Variants in TRIM48 observed in about 807,000 individuals in gnomAD.
TRIM48 encodes the protein tripartite motif containing 48.
In TRIM48, 31 loss-of-function variants were observed where a neutral mutation model predicts 29.5. That is an observed-to-expected ratio of 1.05 (90% CI 0.79 to 1.42). The LOEUF is 1.42. TRIM48 is among the 40% of genes most tolerant of loss of function. TRIM48 has a pLI of 0.00. For synonymous variants in TRIM48, 128 were observed against 90.6 expected, an observed-to-expected ratio of 1.41 and a Z score of -2.34; for missense variants, 344 against 265.0, an observed-to-expected ratio of 1.30 and a Z score of -2.07.
At chr11:55,270,056 T>C (rs1275588567) in intron 5 of TRIM48, among the ~76,000 whole-genome samples, 1 of 148,050 alleles carries the variant, frequency 6.8e-6, no homozygotes, top group South Asian at 2.4e-4. Context: ...AATCTTCACA[T>C]GCTTTCCAAA....
chr11:55,264,356 T>A (rs764592133), intron 1 of TRIM48, among the ~76,000 whole-genome samples: 1 of 147,928 alleles, frequency 6.8e-6, no homozygotes, highest in African/African-American at 2.5e-5. Context: ...TTTACTTTAA[T>A]TTTATATTAT....
In TRIM48 at chr11:55,265,104, C is replaced by A; in HGVS notation, c.249C>A (p.Asn83Lys). 1 of 1,582,920 alleles carries A rather than the reference C, an allele frequency of 6.3e-7. No individual in the cohort carries two copies. The highest frequency in any genetic ancestry group is 1.4e-5 in the African/African-American group (1 of 73,736). The change falls in exon 2 of 6, where the codon AAC becomes AAA. Residue 83 changes from asparagine (N) to lysine (K), a missense_variant. Transcript: ENST00000417545. Reference protein sequence around the residue: ...KTIQQRNLKTNIRLKKMASLA... With the variant: ...KTIQQRNLKTKIRLKKMASLA... ...TACAGCAGAGAAACCTCAAAACTAA[C>A]ATTCGATTGAAGAAGATGGCTTCCC... is the stretch of plus-strand genomic sequence containing the variant.
At position 55,269,748 on chromosome 11, in the gene TRIM48, T is replaced by G. The variant is rs920102074; in HGVS notation, c.*1+409T>G. 1.2e-4 allele frequency among the ~76,000 whole-genome samples: 18 copies of G among 147,906 alleles called. 1 individual carries two copies. Among genetic ancestry groups the G allele is most frequent in the African/African-American group, 4.5e-4 (18 of 40,448 alleles). ...TAGTTCGCTGGAGATTCTTGGGGTT[T>G]TTTAATTTTTTAAATGGATATATAT... is the stretch of plus-strand genomic sequence containing the variant. On this transcript the variant is annotated intron_variant, in intron 5 of 5. Coordinates refer to ENST00000417545, the MANE Select transcript of TRIM48 (RefSeq NM_024114.5).
chr11:55,265,195 G>A lies in TRIM48; in HGVS notation c.340G>A (p.Glu114Lys), dbSNP rs1324824843. The stretch of plus-strand genomic sequence containing the variant: ...GGAGCAAATGTGTGGCATTCACAGG[G>A]AGACAAAGAAGATGTTCTGTGAAGT... ...SEEQMCGIHR[E>K]TKKMFCEVDR... is the part of the protein sequence containing the mutation. Residue 114 changes from glutamate (E) to lysine (K), a missense_variant, in exon 2 of 6, where the codon GAG becomes AAG. Physicochemically the swap from Glu to Lys is moderately conservative, Grantham distance 56 (BLOSUM62 1). Transcript: ENST00000417545. 1 of 1,582,812 alleles carries A rather than the reference G, an allele frequency of 6.3e-7. No homozygotes were observed. The highest frequency in any genetic ancestry group is 8.6e-7 in the Non-Finnish European group (1 of 1,166,208).
chr11:55,269,244 G>C lies in TRIM48; in HGVS notation c.581G>C (p.Ser194Thr), dbSNP rs145893716. The C allele has an allele frequency of 3.5e-3, 5,534 of 1,574,044 alleles. 562 individuals are homozygous for C. Among genetic ancestry groups the C allele is most frequent in the Non-Finnish European group, 4.2e-3 (4,864 of 1,165,936 alleles). Residue 194 changes from serine to threonine, a missense_variant and splice_region_variant, in exon 5 of 6, where the codon AGT (serine) becomes ACT (threonine). Ser to Thr is a moderately conservative substitution (Grantham distance 58). Transcript: ENST00000417545. ...TAACTGCAGGTTTTTCCTTGCAGGA[G>C]TGAGTCCGTGCTGCTGCACATGCCC... The part of the protein sequence containing the change: ...WKAFGDILYR[S>T]ESVLLHMPQP...
intron 3 of TRIM48, chr11:55,267,334 A>G: frequency 6.9e-7 from 1 of 1,447,100 alleles, no homozygotes; most frequent in Non-Finnish European, 9.4e-7. Flanking sequence ...TTCGAGAGAC[A>G]AAAGGAATCA....
At chr11:55,262,901 G>T (rs530913820) in intron 1 of TRIM48, among the ~76,000 whole-genome samples, 5 of 152,172 alleles carry the variant, frequency 3.3e-5, no homozygotes, top group African/African-American at 1.2e-4. Flanking sequence ...TCCTTACAAT[G>T]ACTTAGATGA....
chr11:55,264,684 G>A (rs1443370219), intron 1 of TRIM48, among the ~76,000 whole-genome samples: 3 of 148,188 alleles, frequency 2.0e-5, no homozygotes, highest in Non-Finnish European at 4.5e-5. Flanking sequence ...GGCACTAGGA[G>A]TAGAAGGGGT....
At chr11:55,267,148 A>G (rs778610997) in intron 3 of TRIM48, among the ~76,000 whole-genome samples, 7 of 147,654 alleles carry the variant, frequency 4.7e-5, no homozygotes, top group African/African-American at 9.9e-5. Flanking sequence ...GTTGGAATAG[A>G]GAAATTCAAA....
At chr11:55,267,361 G>GAT (rs1302144403) in intron 3 of TRIM48, 2 of 1,522,918 alleles carry the variant, frequency 1.3e-6, no homozygotes, top group African/African-American at 2.8e-5. Context: ...TTTAATAGGA[G>GAT]ATGGATATAT....
intron 1 of TRIM48, among the ~76,000 whole-genome samples, chr11:55,263,968 G>T (rs927153983): frequency 2.0e-5 from 3 of 152,026 alleles, no homozygotes; most frequent in Non-Finnish European, 2.9e-5. Flanking sequence ...CAAACTGAGG[G>T]ATGATGGTCC....
At chr11:55,267,719 T>A in intron 3 of TRIM48, 1 of 1,517,954 alleles carries the variant, frequency 6.6e-7, no homozygotes, top group Non-Finnish European at 8.8e-7. Context: ...TCCATCTCCC[T>A]ACCTTTATTT....
chr11:55,268,108 T>C (rs1250496225), intron 3 of TRIM48, among the ~76,000 whole-genome samples: 1 of 147,742 alleles, frequency 6.8e-6, no homozygotes, highest in African/African-American at 2.5e-5. Context: ...ATAGACTCTC[T>C]GGGCTTCTTC....
At chr11:55,263,103 C>T (rs1265912086) in intron 1 of TRIM48, among the ~76,000 whole-genome samples, 2 of 152,058 alleles carry the variant, frequency 1.3e-5, no homozygotes, top group Admixed American at 6.6e-5. Context: ...CATTCATGAG[C>T]CATTTCAGTC....
Position 55,265,645 on chromosome 11 carries a change from G to GA in TRIM48, c.509dup (p.Asn170LysfsTer26). 1 of 1,581,842 alleles carries GA rather than the reference G, an allele frequency of 6.3e-7. No individual in the cohort carries two copies. Among genetic ancestry groups the GA allele is most frequent in the Non-Finnish European group, 8.6e-7 (1 of 1,165,408 alleles). ...GCAGTCTTTATGGGAAAAAGCTTGT[G>GA]AAAATCAGAGAAACCTGAATGTGGA... On this transcript the variant is annotated frameshift_variant, in exon 3 of 6. Transcript: ENST00000417545. LOFTEE classifies it high-confidence loss of function.
intron 1 of TRIM48, among the ~76,000 whole-genome samples, chr11:55,264,567 A>G (rs1857357566): frequency 6.8e-6 from 1 of 147,830 alleles, no homozygotes; most frequent in African/African-American, 2.5e-5. Context: ...AAAGAAGAAT[A>G]GGAACAACTA....
At chr11:55,263,297 T>C (rs1242919485) in intron 1 of TRIM48, among the ~76,000 whole-genome samples, 1 of 152,146 alleles carries the variant, frequency 6.6e-6, no homozygotes, top group African/African-American at 2.4e-5. Flanking sequence ...CTGTATACCA[T>C]AGGTTTGTAG....
At position 55,270,535 on chromosome 11, in the gene TRIM48, C is replaced by T. The variant is rs879058588; in HGVS notation, c.*100C>T. 1.6e-5 allele frequency: 26 copies of T among 1,582,178 alleles called. 5 individuals are homozygous for T. In the South Asian group the frequency reaches 3.1e-4, roughly 19 times the overall value. On this transcript the variant is annotated 3_prime_UTR_variant, in exon 6 of 6. Transcript: ENST00000417545. The stretch of plus-strand genomic sequence containing the variant: ...TGGATGTGACCGTCAAAATCCGCCC[C>T]ATATCACTGCAACACCTACAAGTTT...
chr11:55,262,248 G>A lies in TRIM48; in HGVS notation c.-20G>A, dbSNP rs778042266. On this transcript the variant is annotated 5_prime_UTR_variant, in exon 1 of 6. Coordinates refer to ENST00000417545, the MANE Select transcript of TRIM48 (RefSeq NM_024114.5). ...CTGCAGCGAATGAGCTCCTGACCTT[G>A]AGGAGTACTTAACAGAATTATGTCT... 5 of 1,548,032 alleles carry A rather than the reference G, an allele frequency of 3.2e-6. No individual in the cohort carries two copies. The South Asian group carries it at 6.0e-5, about 18-fold the overall frequency.
Sources: allele counts gnomAD v4.1 joint callset (sites outside exome capture counted in the v4.1 genomes callset), GRCh38; gene constraint gnomAD v4.1.1; transcripts MANE v1.5; gene names NCBI Gene and HGNC (gene_info 2026-07-23, HGNC 2026-07-21).